GBF1: variants seen among roughly 807,000 people sequenced by gnomAD.
The protein encoded by GBF1 is golgi brefeldin A resistant guanine nucleotide exchange factor 1.
In GBF1, 114 loss-of-function variants were observed where a neutral mutation model predicts 210.5. That is an observed-to-expected ratio of 0.54 (90% CI 0.47 to 0.63). The LOEUF (loss-of-function observed/expected upper bound fraction) is 0.63. GBF1 is among the 30% of genes least tolerant of loss of function. The pLI is 0.00. For synonymous variants in GBF1, 850 were observed against 889.2 expected (o/e 0.96, Z 0.78); for missense variants, 1,851 against 2,357.7 (o/e 0.79, Z 4.45).
At chr10:102,302,742 C>CT (rs1452473394) in intron 3 of GBF1, among the ~76,000 whole-genome samples, 1 of 152,088 alleles carries the variant, frequency 6.6e-6, no homozygotes, top group African/African-American at 2.4e-5. Flanking sequence ...CAGAGAAAGT[C>CT]TGGCAATATC....
chr10:102,356,541 G>A (rs943285211), intron 8 of GBF1, among the ~76,000 whole-genome samples: 2 of 151,926 alleles, frequency 1.3e-5, no homozygotes, highest in South Asian at 2.1e-4. Context: ...CAAGGCGGGC[G>A]GATCACGAGG....
intron 3 of GBF1, among the ~76,000 whole-genome samples, chr10:102,267,302 C>T (rs1338685508): frequency 6.6e-6 from 1 of 152,082 alleles, no homozygotes; most frequent in East Asian, 1.9e-4. Context: ...GTCAGCAGTT[C>T]GAGACCAGCC....
At chr10:102,305,175 TTGTGTGTGTGTGTGTG>T (rs60026956) in intron 3 of GBF1, among the ~76,000 whole-genome samples, 19 of 139,740 alleles carry the variant, frequency 1.4e-4, no homozygotes, top group South Asian at 2.5e-4. Flanking sequence ...ATATGCAGAT[TTGTGTGTGTGTGTGTG>T]TGTGTGTGTG....
At chr10:102,353,835 C>T (rs954343742) in intron 8 of GBF1, among the ~76,000 whole-genome samples, 181 bp downstream of exon 8, 4 of 152,210 alleles carry the variant, frequency 2.6e-5, no homozygotes, top group Non-Finnish European at 5.9e-5. Context: ...ATCCCTTCCT[C>T]AGCTTTTCTG....
rs572969908 is a variant in GBF1 at position 102,359,757 on chromosome 10, A to G, written c.1180+322A>G. 3.0e-4 allele frequency among the ~76,000 whole-genome samples: 43 copies of G among 143,344 alleles called. No homozygotes were observed. The South Asian group carries it at 8.2e-3, about 27-fold the overall frequency. The allele number at this position is 143,344 out of a possible 152,430, so 94.0% of individuals were successfully genotyped here. ...AGACTAGTCCCCTCATGTCCCCAGG[A>G]AAAAAAAAAAAATCCTTTTCCTTTT... On this transcript the variant is annotated intron_variant, in intron 11 of 39. Coordinates refer to ENST00000369983, the MANE Select transcript of GBF1 (RefSeq NM_001377137.1).
intron 3 of GBF1, among the ~76,000 whole-genome samples, chr10:102,335,792 T>C (rs988457903): frequency 7.2e-5 from 11 of 152,216 alleles, no homozygotes; most frequent in Non-Finnish European, 1.0e-4. Flanking sequence ...TAAATGTTAA[T>C]GAGTACTTTA....
intron 1 of GBF1, among the ~76,000 whole-genome samples, chr10:102,253,905 A>G (rs948216429): frequency 1.2e-4 from 19 of 152,228 alleles, no homozygotes; most frequent in Admixed American, 6.5e-5. Flanking sequence ...TTATTAATGA[A>G]GCTAATAATC....
At chr10:102,321,885 G>C (rs911285615) in intron 3 of GBF1, among the ~76,000 whole-genome samples, 1 of 152,108 alleles carries the variant, frequency 6.6e-6, no homozygotes, top group Admixed American at 6.5e-5. Flanking sequence ...TTGAGACAGG[G>C]TCTTGCTCTG....
rs372082043 is a variant in GBF1 at position 102,300,976 on chromosome 10, C to A, written c.163+40860C>A. 2.2e-5 allele frequency among the ~76,000 whole-genome samples: 3 copies of A among 136,266 alleles called. No homozygotes were observed. In the South Asian group the frequency reaches 6.9e-4, roughly 32 times the overall value. The allele number at this position is 136,266 out of a possible 152,430, so 89.4% of individuals were successfully genotyped here. On this transcript the variant is annotated intron_variant, in intron 3 of 39. Transcript: ENST00000369983. ...TATAAGAGAATCAGTATTTTCTTTTCTTTTTTTTTTTTTTTTAAGTATTTA... is the reference window on the plus strand; with the variant it reads ...TATAAGAGAATCAGTATTTTCTTTTATTTTTTTTTTTTTTTTAAGTATTTA...
intron 3 of GBF1, among the ~76,000 whole-genome samples, chr10:102,279,039 G>A (rs1362384295): frequency 2.6e-5 from 4 of 152,092 alleles, no homozygotes; most frequent in Non-Finnish European, 5.9e-5. Context: ...CCAATTTCTG[G>A]TTGCAGTTAT....
chr10:102,369,962 G>A lies in GBF1; in HGVS notation c.3317G>A (p.Arg1106Lys). 1.9e-6 allele frequency: 3 copies of A among 1,614,102 alleles called. No individual in the cohort carries two copies. The highest frequency in any genetic ancestry group is 2.5e-6 in the Non-Finnish European group (3 of 1,179,960). ...TCCACTGAAAACCAAGAGGCCAAGA[G>A]AGTGGCCTTAGAGTGTATAAAGGTA... ...GPSTENQEAK[R>K]VALECIKQCD... Residue 1106 changes from arginine to lysine, a missense_variant, in exon 26 of 40, where the codon AGA becomes AAA. By Grantham distance (26) the Arg-to-Lys change is conservative (BLOSUM62 2). Around this residue, in one of 3 missense-constraint regions of GBF1, gnomAD observed 967 missense variants for 1,247.7 expected, o/e 0.78. Coordinates refer to ENST00000369983, the MANE Select transcript of GBF1 (RefSeq NM_001377137.1).
intron 3 of GBF1, among the ~76,000 whole-genome samples, chr10:102,285,556 A>G (rs1007651570): frequency 5.9e-5 from 9 of 152,080 alleles, no homozygotes; most frequent in Admixed American, 5.2e-4. Flanking sequence ...CAAACTGTTG[A>G]GTTCCTAAGT....
At chr10:102,360,126 C>A (rs2059509439) in intron 11 of GBF1, 58 bp from the exon 12 acceptor site, 1 of 1,122,268 alleles carries the variant, frequency 8.9e-7, no homozygotes, top group Non-Finnish European at 1.4e-6. Flanking sequence ...GCAGGCTAGG[C>A]AAAGCCAGCA....
At chr10:102,345,544 G>C (rs1306014278) in intron 4 of GBF1, among the ~76,000 whole-genome samples, 1 of 149,708 alleles carries the variant, frequency 6.7e-6, no homozygotes, top group East Asian at 2.0e-4. Context: ...CTACTCAGGA[G>C]GCTGAGGCAG....
the GBF1 span, chr10:102,231,496 G>T: frequency 2.4e-6 from 2 of 822,098 alleles, no homozygotes; most frequent in African/African-American, 3.4e-5. Flanking sequence ...GTCCGAGGGA[G>T]GGGGCAGGTG....
intron 3 of GBF1, among the ~76,000 whole-genome samples, chr10:102,290,914 A>C (rs568027584): frequency 6.6e-6 from 1 of 152,114 alleles, no homozygotes; most frequent in Non-Finnish European, 1.5e-5. Flanking sequence ...TAATTTTGCT[A>C]ATTTAATTGA....
At chr10:102,323,290 A>C (rs1244448444) in intron 3 of GBF1, among the ~76,000 whole-genome samples, 3 of 148,030 alleles carry the variant, frequency 2.0e-5, no homozygotes, top group African/African-American at 7.4e-5. Context: ...AAGCCTTTTT[A>C]GTGCCTGGGC....
In GBF1 at chr10:102,369,774, C is replaced by T. The variant is rs959993762; in HGVS notation, c.3214C>T (p.Arg1072Ter). Reference protein sequence around the residue: ...SLQREETPSNRGESTVLSFVS... With the variant: ...SLQREETPSN ...ACAGCGGGAAGAGACACCATCAAAC[C>T]GGTAAGAGCAGACCAGAGGCTCAGG... is the stretch of plus-strand genomic sequence containing the variant. The change falls in exon 25 of 40, where the codon CGA (arginine) becomes TGA (stop). Residue 1072 changes from arginine to a stop codon, truncating the protein, a stop_gained and splice_region_variant. Transcript: ENST00000369983. LOFTEE classifies it high-confidence loss of function. The T allele has an allele frequency of 6.8e-6, 11 of 1,613,948 alleles. No individual in the cohort carries two copies. Among genetic ancestry groups the T allele is most frequent in the East Asian group, 2.2e-5 (1 of 44,896 alleles).
intron 29 of GBF1, 34 bp from the exon 30 acceptor site, chr10:102,375,325 C>G (rs368596945): frequency 3.1e-6 from 4 of 1,272,440 alleles, no homozygotes; most frequent in African/African-American, 2.9e-5. Context: ...CACAGCTCCC[C>G]GCTTCCCCGC....
Sources: gnomAD v4.1 joint callset for allele counts (sites outside exome capture counted in the v4.1 genomes callset) on GRCh38, gnomAD v4.1.1 for gene constraint, gnomAD v4.1.1 regional missense constraint, MANE v1.5 for transcripts, NCBI Gene and HGNC (gene_info 2026-07-23, HGNC 2026-07-21) for gene names.